Variants in DPP6 observed in about 807,000 individuals in gnomAD.
DPP6 encodes the protein dipeptidyl peptidase like 6, also known as A-type potassium channel modulatory protein DPP6.
Under a neutral mutation model 122.6 loss-of-function variants are expected in DPP6, and 69 were observed. The observed-to-expected ratio is 0.56, with a 90% CI of 0.46 to 0.69. The LOEUF (loss-of-function observed/expected upper bound fraction) is 0.69, where lower values mean the gene tolerates loss of function less well. Among genes scored for constraint, DPP6 ranks in the 30% least tolerant of loss-of-function variants. The probability of loss-of-function intolerance (pLI) is 0.00; values close to 1 mark genes in which losing one functional copy is unlikely to be tolerated. For missense variants in DPP6, 928 were observed against 1,116.9 expected (o/e 0.83, Z 2.41); for synonymous variants, 418 against 433.1 (o/e 0.97, Z 0.43).
chr7:154,438,607 AGAG>A (rs1819104531), intron 1 of DPP6, among the ~76,000 whole-genome samples: 2 of 152,136 alleles, frequency 1.3e-5, no homozygotes, highest in Non-Finnish European at 2.9e-5. Flanking sequence ...TGGAAAGCCA[AGAG>A]GAGCTCATTC....
In DPP6 at chr7:154,668,220, A is replaced by ATATATATATATATATATAT. The variant is rs59348250; in HGVS notation, c.681-1136_681-1135insTATATATATATATATTATA. Among the ~76,000 whole-genome samples, 191 of 24,954 alleles carry ATATATATATATATATATAT rather than the reference A, an allele frequency of 7.7e-3. 12 individuals carry two copies. The highest frequency in any genetic ancestry group is 0.011 in the Non-Finnish European group (88 of 8,228). 16.4% of individuals were successfully genotyped at this position (24,954 alleles called of 152,430 possible). On this transcript the variant is annotated intron_variant, in intron 6 of 25. Transcript: ENST00000377770. The stretch of plus-strand genomic sequence containing the variant: ...TTTTATATATATATATATATATATA[A>ATATATATATATATATATAT]TATACACATTTTTTTTTCAAGACAG...
intron 1 of DPP6, among the ~76,000 whole-genome samples, chr7:153,994,340 C>T (rs1387488003): frequency 8.6e-5 from 13 of 151,838 alleles, no homozygotes; most frequent in Non-Finnish European, 1.9e-4. Flanking sequence ...AAAACTTCAC[C>T]TGTAATATTC....
intron 5 of DPP6, among the ~76,000 whole-genome samples, chr7:154,598,219 C>T (rs150984904): frequency 5.3e-5 from 8 of 152,304 alleles, no homozygotes; most frequent in African/African-American, 1.2e-4. Flanking sequence ...AAACTGCTTG[C>T]GTTTCACATG....
At chr7:153,877,856 C>T in the DPP6 span, among the ~76,000 whole-genome samples, 17 of 151,796 alleles carry the variant, frequency 1.1e-4, no homozygotes, top group African/African-American at 4.1e-4. Context: ...ATTTGCAATG[C>T]TTATTAACTG....
At chr7:154,540,791 G>A (rs953282293) in intron 4 of DPP6, among the ~76,000 whole-genome samples, 165 bp downstream of exon 4, 7 of 152,154 alleles carry the variant, frequency 4.6e-5, no homozygotes, top group South Asian at 4.1e-4. Context: ...TTGAAACCAC[G>A]CTAATTCAAT....
intron 7 of DPP6, among the ~76,000 whole-genome samples, chr7:154,672,886 G>T (rs1838655558): frequency 6.6e-6 from 1 of 152,194 alleles, no homozygotes; most frequent in South Asian, 2.1e-4. Flanking sequence ...GGAAGCAGCT[G>T]CAGACAGTAT....
intron 17 of DPP6, among the ~76,000 whole-genome samples, 176 bp from the exon 18 acceptor site, chr7:154,867,819 G>A (rs1034350279): frequency 1.3e-5 from 2 of 152,170 alleles, no homozygotes; most frequent in African/African-American, 2.4e-5. Flanking sequence ...GCTTTTGAGC[G>A]CATAACTTGA....
chr7:154,841,126 G>C (rs1278286915), intron 16 of DPP6, among the ~76,000 whole-genome samples: 1 of 152,222 alleles, frequency 6.6e-6, no homozygotes, highest in African/African-American at 2.4e-5. Context: ...ACTGTGCTCA[G>C]TGCTATGACA....
At chr7:154,528,622 G>A (rs1248811000) in intron 3 of DPP6, among the ~76,000 whole-genome samples, 2 of 152,196 alleles carry the variant, frequency 1.3e-5, no homozygotes, top group Non-Finnish European at 2.9e-5. Flanking sequence ...AGAAAATCAG[G>A]AAGCTGTGGC....
intron 1 of DPP6, among the ~76,000 whole-genome samples, chr7:154,036,672 C>G (rs1799552944): frequency 6.6e-6 from 1 of 151,720 alleles, no homozygotes; most frequent in South Asian, 2.1e-4. Context: ...AGATGGACCA[C>G]TTCGCATTTT....
chr7:154,021,061 C>G (rs28539534), intron 1 of DPP6, among the ~76,000 whole-genome samples: 10,185 of 152,156 alleles, frequency 0.067, 383 homozygotes, highest in South Asian at 0.12. Flanking sequence ...TAGCATCATT[C>G]CACCAACGGA....
intron 1 of DPP6, among the ~76,000 whole-genome samples, chr7:154,399,312 C>T (rs941989642): frequency 6.6e-6 from 1 of 152,202 alleles, no homozygotes; most frequent in Non-Finnish European, 1.5e-5. Context: ...TCAAATGCAA[C>T]TGTGTGGTAA....
chr7:154,147,764 G>T (rs1408858413), intron 1 of DPP6, among the ~76,000 whole-genome samples: 1 of 151,864 alleles, frequency 6.6e-6, no homozygotes, highest in Non-Finnish European at 1.5e-5. Flanking sequence ...GGCTGGTCTT[G>T]AACTCCTGAT....
Position 154,876,057 on chromosome 7 carries a change from C to T in DPP6, c.2035C>T (p.Arg679Trp), listed in dbSNP as rs759693906. The T allele has an allele frequency of 1.2e-5, 20 of 1,608,732 alleles. No individual in the cohort carries two copies. Among genetic ancestry groups the T allele is most frequent in the Admixed American group, 3.3e-5 (2 of 59,866 alleles). The change falls in exon 20 of 26, where the codon CGG becomes TGG. Residue 679 changes from arginine (R) to tryptophan (W), a missense_variant. Arg to Trp is a moderately radical substitution (Grantham distance 101, BLOSUM62 -3). Transcript: ENST00000377770. ...GTKLLHEVRR[R>W]LGLLEEKDQM... ...CAAGCTCCTGCACGAAGTGAGGCGG[C>T]GGCTGGGCTTGCTGGAGGAGAAGGA...
At chr7:153,924,385 G>A (rs1294484992) in intron 1 of DPP6, among the ~76,000 whole-genome samples, 2 of 152,210 alleles carry the variant, frequency 1.3e-5, no homozygotes, top group African/African-American at 4.8e-5. Flanking sequence ...TGGGATTACA[G>A]GCGTGAGCCA....
chr7:154,414,213 C>G (rs1282932812), intron 1 of DPP6, among the ~76,000 whole-genome samples: 1 of 152,176 alleles, frequency 6.6e-6, no homozygotes, highest in Non-Finnish European at 1.5e-5. Flanking sequence ...ATGAATGTTA[C>G]TACTCCGACC....
the DPP6 span, among the ~76,000 whole-genome samples, chr7:153,807,925 C>T: frequency 1.3e-5 from 2 of 151,824 alleles, no homozygotes; most frequent in Admixed American, 6.6e-5. Context: ...ACAGAGGCAG[C>T]GTGGCCTGAA....
At chr7:153,877,139 C>G in the DPP6 span, among the ~76,000 whole-genome samples, 1 of 151,860 alleles carries the variant, frequency 6.6e-6, no homozygotes, top group Admixed American at 6.6e-5. Flanking sequence ...AAAAAAAACC[C>G]TTTTCTTTTT....
intron 20 of DPP6, chr7:154,876,879 CG>C (rs1390951095): frequency 1.3e-5 from 2 of 152,200 alleles, no homozygotes; most frequent in Non-Finnish European, 2.9e-5. Flanking sequence ...AACAGCTCAA[CG>C]GACTGTGGAC....
Sources: allele counts gnomAD v4.1 joint callset (sites outside exome capture counted in the v4.1 genomes callset), GRCh38; gene constraint gnomAD v4.1.1; transcripts MANE v1.5; gene names NCBI Gene and HGNC (gene_info 2026-07-23, HGNC 2026-07-21).